Variants in HMCN1 observed in about 807,000 individuals in gnomAD.
HMCN1 encodes the protein hemicentin 1, also known as hemicentin-1.
A neutral mutation model predicts 625.9 loss-of-function variants in HMCN1; 321 were observed. The observed-to-expected ratio is 0.51, with a 90% CI of 0.47 to 0.56. The LOEUF is 0.56. Among genes scored for constraint, HMCN1 ranks in the 20% least tolerant of loss-of-function variants. HMCN1 has a pLI of 0.00. For synonymous variants in HMCN1, 2,425 were observed against 2,417.6 expected (o/e 1.00, Z -0.09); for missense variants, 6,588 against 6,887.3 (o/e 0.96, Z 1.54).
chr1:185,947,757 G>C (rs926878835), intron 11 of HMCN1, among the ~76,000 whole-genome samples: 2 of 152,150 alleles, frequency 1.3e-5, no homozygotes, highest in African/African-American at 4.8e-5. Flanking sequence ...GAACTCTTTA[G>C]AGCCATGTGA....
intron 68 of HMCN1, among the ~76,000 whole-genome samples, chr1:186,101,612 G>T (rs377667582): frequency 6.6e-6 from 1 of 152,048 alleles, no homozygotes; most frequent in Non-Finnish European, 1.5e-5. Context: ...GAGTAAAATA[G>T]TTCACAATCA....
At chr1:185,852,495 A>G (rs1396078971) in intron 2 of HMCN1, among the ~76,000 whole-genome samples, 2 of 151,716 alleles carry the variant, frequency 1.3e-5, no homozygotes, top group African/African-American at 4.8e-5. Context: ...ATTTTTGGAC[A>G]TGATTAGACA....
intron 18 of HMCN1, among the ~76,000 whole-genome samples, chr1:185,983,144 A>T (rs1256683851): frequency 6.6e-6 from 1 of 152,108 alleles, no homozygotes; most frequent in Non-Finnish European, 1.5e-5. Context: ...AAAAATGTAG[A>T]TATATATTGT....
At chr1:186,024,297 G>A (rs743135) in intron 36 of HMCN1, among the ~76,000 whole-genome samples, 3,136 of 152,256 alleles carry the variant, frequency 0.021, 47 homozygotes, top group Middle Eastern at 0.044. Flanking sequence ...CATTTGCCTC[G>A]TTCCCCATAA....
intron 67 of HMCN1, 54 bp downstream of exon 67, chr1:186,094,427 A>G: frequency 7.5e-7 from 1 of 1,330,242 alleles, no homozygotes; most frequent in Non-Finnish European, 1.1e-6. Flanking sequence ...ATTAAGCAAC[A>G]GACTTATCTT....
chr1:185,747,889 A>G (rs1000260378), intron 1 of HMCN1, among the ~76,000 whole-genome samples: 1 of 152,100 alleles, frequency 6.6e-6, no homozygotes, highest in Non-Finnish European at 1.5e-5. Flanking sequence ...GAATTCCTTG[A>G]TGTTCTCAGG....
intron 6 of HMCN1, among the ~76,000 whole-genome samples, chr1:185,914,995 A>G (rs1166306257): frequency 6.6e-6 from 1 of 152,072 alleles, no homozygotes; most frequent in Admixed American, 6.6e-5. Flanking sequence ...TGGAGGTGCT[A>G]GCATGGAACA....
chr1:186,173,949 ATACTAT>A (rs1652398916), intron 102 of HMCN1, among the ~76,000 whole-genome samples: 1 of 152,226 alleles, frequency 6.6e-6, no homozygotes, highest in Non-Finnish European at 1.5e-5. Context: ...GTTCAAACTA[ATACTAT>A]TACTAGAAAC....
At chr1:185,990,782 A>C (rs1164924141) in intron 22 of HMCN1, among the ~76,000 whole-genome samples, 1 of 152,152 alleles carries the variant, frequency 6.6e-6, no homozygotes, top group Non-Finnish European at 1.5e-5. Flanking sequence ...AATAAAATAC[A>C]ATAGGCACAC....
chr1:185,811,424 T>TA (rs887376865), intron 1 of HMCN1, among the ~76,000 whole-genome samples: 182 of 146,420 alleles, frequency 1.2e-3, no homozygotes, highest in African/African-American at 2.1e-3. Flanking sequence ...ACCTCAGCTC[T>TA]AAAAAAAAAA....
At chr1:186,156,998 C>T (rs1220736998) in intron 97 of HMCN1, among the ~76,000 whole-genome samples, 1 of 152,124 alleles carries the variant, frequency 6.6e-6, no homozygotes, top group African/African-American at 2.4e-5. Context: ...AAAATCTTTA[C>T]ACCCATTAAA....
At chr1:186,073,171 G>A (rs12077874) in intron 52 of HMCN1, among the ~76,000 whole-genome samples, 34,831 of 151,948 alleles carry the variant, frequency 0.23, 4,097 homozygotes, top group Non-Finnish European at 0.25. Context: ...AGCAGGGAGC[G>A]TAGTGTCCCA....
At chr1:185,827,771 TAAATC>T (rs1660616558) in intron 1 of HMCN1, among the ~76,000 whole-genome samples, 1 of 152,070 alleles carries the variant, frequency 6.6e-6, no homozygotes, top group African/African-American at 2.4e-5. Context: ...AAAGGCATAC[TAAATC>T]CAATGGAAAT....
intron 40 of HMCN1, among the ~76,000 whole-genome samples, chr1:186,044,227 A>T (rs145733846): frequency 2.0e-3 from 302 of 152,314 alleles, no homozygotes; most frequent in African/African-American, 6.8e-3. Context: ...CTCACAGATT[A>T]CTTTAACCTT....
intron 11 of HMCN1, among the ~76,000 whole-genome samples, chr1:185,955,290 AT>A (rs530481667): frequency 1.2e-4 from 18 of 152,262 alleles, no homozygotes; most frequent in Middle Eastern, 6.8e-3. Context: ...CCAGAATAAA[AT>A]TTACACTCCT....
chr1:185,780,660 T>C (rs1479911263), intron 1 of HMCN1, among the ~76,000 whole-genome samples: 2 of 152,120 alleles, frequency 1.3e-5, no homozygotes, highest in African/African-American at 4.8e-5. Context: ...TTATTTATTT[T>C]TGTATGTTGA....
In HMCN1 at chr1:186,105,977, G is replaced by C. The variant is rs559122002; in HGVS notation, c.10771-907G>C. Among the ~76,000 whole-genome samples, 30 of 152,274 alleles carry C rather than the reference G, an allele frequency of 2.0e-4. No homozygotes were observed. The East Asian group carries it at 5.6e-3, about 28-fold the overall frequency. ...TTAATTGAATAACGATGTAAGTGTT[G>C]TTCTTCTAAAATTATATTTAAGTAT... On this transcript the variant is annotated intron_variant, in intron 69 of 106. Coordinates refer to ENST00000271588, the MANE Select transcript of HMCN1 (RefSeq NM_031935.3).
chr1:186,174,537 A>T lies in HMCN1; in HGVS notation c.15838A>T (p.Thr5280Ser). Residue 5280 changes from threonine (T) to serine (S), a missense_variant, in exon 103 of 107, where the codon ACC (threonine) becomes TCC (serine). Thr to Ser is a moderately conservative substitution (Grantham distance 58). This residue lies in a region of HMCN1 where 1,954 missense variants were observed against 2,013.1 expected (regional missense o/e 0.97). Coordinates refer to ENST00000271588, the MANE Select transcript of HMCN1 (RefSeq NM_031935.3). ...AGATATTGATGAATGTAAAGATGGG[A>T]CCCATCAGTGCAGATATAACCAGAT... ...CIDIDECKDG[T>S]HQCRYNQICE... 1 of 1,613,828 alleles carries T rather than the reference A, an allele frequency of 6.2e-7. No individual in the cohort carries two copies. Among genetic ancestry groups the T allele is most frequent in the South Asian group, 1.1e-5 (1 of 91,074 alleles).
chr1:185,818,774 A>G (rs929259664), intron 1 of HMCN1, among the ~76,000 whole-genome samples: 30 of 152,216 alleles, frequency 2.0e-4, no homozygotes, highest in African/African-American at 7.2e-4. Flanking sequence ...TGTACCTTCA[A>G]AAACTTAAGT....
Sources: gnomAD v4.1 joint callset for allele counts (sites outside exome capture counted in the v4.1 genomes callset) on GRCh38, gnomAD v4.1.1 for gene constraint, gnomAD v4.1.1 regional missense constraint, MANE v1.5 for transcripts, NCBI Gene and HGNC (gene_info 2026-07-23, HGNC 2026-07-21) for gene names.